SORCS2: variants seen among roughly 807,000 people sequenced by gnomAD.
SORCS2 encodes VPS10 domain-containing receptor SorCS2.
In SORCS2, 100 loss-of-function variants were observed where a neutral mutation model predicts 141.6. The observed-to-expected ratio is 0.71, with a 90% CI of 0.60 to 0.83. The LOEUF is 0.83. SORCS2 is among the 40% of genes least tolerant of loss of function. The pLI is 0.00. For missense variants in SORCS2, 1,646 were observed against 1,560.2 expected (o/e 1.05, Z -0.93); for synonymous variants, 789 against 676.9 (o/e 1.17, Z -2.57).
In SORCS2 at chr4:7,599,036, G is replaced by A. The variant is rs150179308; in HGVS notation, c.649-39292G>A. Reference sequence around the variant, plus strand: ...AGGAGGCAGCCGGGAGAAGTGGGCCGATGAGAGGTTGCTTGCCTGAGTGGA... The same window carrying A: ...AGGAGGCAGCCGGGAGAAGTGGGCCAATGAGAGGTTGCTTGCCTGAGTGGA... On this transcript the variant is annotated intron_variant, in intron 3 of 26. Coordinates refer to ENST00000507866, the MANE Select transcript of SORCS2 (RefSeq NM_020777.3). Among the ~76,000 whole-genome samples, 622 of 152,344 alleles carry A rather than the reference G, an allele frequency of 4.1e-3. 4 individuals carry two copies. The highest frequency in any genetic ancestry group is 0.014 in the African/African-American group (583 of 41,582).
At chr4:7,407,005 G>C (rs932079451) in intron 2 of SORCS2, among the ~76,000 whole-genome samples, 1 of 152,004 alleles carries the variant, frequency 6.6e-6, no homozygotes, top group Non-Finnish European at 1.5e-5. Context: ...TGTTCTTCTT[G>C]TAATTGATTT....
chr4:7,479,025 C>T (rs776923843), intron 2 of SORCS2, among the ~76,000 whole-genome samples: 40 of 152,282 alleles, frequency 2.6e-4, no homozygotes, highest in Non-Finnish European at 5.4e-4. Context: ...CAAAGCTTCT[C>T]TAGAAGGATT....
chr4:7,606,707 C>T (rs146182060), intron 3 of SORCS2, among the ~76,000 whole-genome samples: 4 of 152,008 alleles, frequency 2.6e-5, no homozygotes, highest in Non-Finnish European at 4.4e-5. Context: ...GAAGGCTAGA[C>T]GGTGTGGTCT....
chr4:7,512,094 G>T (rs1300585390), intron 2 of SORCS2, among the ~76,000 whole-genome samples: 3 of 152,140 alleles, frequency 2.0e-5, no homozygotes, highest in Non-Finnish European at 4.4e-5. Context: ...AATCAACCTA[G>T]TTAACAGGTC....
At chr4:7,335,740 A>G (rs116182296) in intron 1 of SORCS2, among the ~76,000 whole-genome samples, 231 of 152,332 alleles carry the variant, frequency 1.5e-3, no homozygotes, top group African/African-American at 5.2e-3. Context: ...TTGAAGCTCA[A>G]GGAGGTTGAA....
chr4:7,293,984 G>A lies in SORCS2; in HGVS notation c.480+100858G>A, dbSNP rs1230744296. Among the ~76,000 whole-genome samples the A allele has an allele frequency of 3.3e-5, 5 of 152,046 alleles. No individual in the cohort carries two copies. The East Asian group carries it at 7.7e-4, about 23-fold the overall frequency. On this transcript the variant is annotated intron_variant, in intron 1 of 26. Coordinates refer to ENST00000507866, the MANE Select transcript of SORCS2 (RefSeq NM_020777.3). Reference sequence around the variant, plus strand: ...ATTTTGATGTATCCAAATTATTGCCGTACCCTTTTCCTTTTATTTTTACCC... The same window carrying A: ...ATTTTGATGTATCCAAATTATTGCCATACCCTTTTCCTTTTATTTTTACCC...
Position 7,379,591 on chromosome 4 carries a change from C to T in SORCS2, c.481-16697C>T, listed in dbSNP as rs78995160. On this transcript the variant is annotated intron_variant, in intron 1 of 26. Coordinates refer to ENST00000507866, the MANE Select transcript of SORCS2 (RefSeq NM_020777.3). ...CTAAACACCCTTCACAATAGACACGCGGATACTATGGGTGTCCATTTTGCA... is the reference window on the plus strand; with the variant it reads ...CTAAACACCCTTCACAATAGACACGTGGATACTATGGGTGTCCATTTTGCA... Among the ~76,000 whole-genome samples, 9 of 152,300 alleles carry T rather than the reference C, an allele frequency of 5.9e-5. No homozygotes were observed. In the South Asian group the frequency reaches 1.2e-3, roughly 21 times the overall value.
At chr4:7,574,462 A>G (rs534122443) in intron 3 of SORCS2, among the ~76,000 whole-genome samples, 3 of 152,306 alleles carry the variant, frequency 2.0e-5, no homozygotes, top group Non-Finnish European at 4.4e-5. Flanking sequence ...CTTGCTTGGC[A>G]TGGGATTGCC....
intron 1 of SORCS2, among the ~76,000 whole-genome samples, chr4:7,391,296 C>T (rs1174955568): frequency 1.3e-5 from 2 of 152,200 alleles, no homozygotes; most frequent in Non-Finnish European, 2.9e-5. Flanking sequence ...TGAGCCAGCC[C>T]CCTTTCCCCA....
At chr4:7,208,008 G>A (rs73079857) in intron 1 of SORCS2, among the ~76,000 whole-genome samples, 3,988 of 152,078 alleles carry the variant, frequency 0.026, 192 homozygotes, top group African/African-American at 0.091. Flanking sequence ...GGGAGTTTTC[G>A]GGCGCCTTCT....
intron 3 of SORCS2, among the ~76,000 whole-genome samples, chr4:7,572,994 A>G (rs1267799255): frequency 6.6e-6 from 1 of 152,236 alleles, no homozygotes; most frequent in African/African-American, 2.4e-5. Flanking sequence ...TCCCTTTGGA[A>G]AGGAGAGCTT....
chr4:7,229,636 C>T (rs547702365), intron 1 of SORCS2, among the ~76,000 whole-genome samples: 41 of 152,350 alleles, frequency 2.7e-4, no homozygotes, highest in Admixed American at 5.9e-4. Flanking sequence ...GAGGTCACTC[C>T]GAGGCTGAAA....
chr4:7,658,379 G>T (rs937699274), intron 5 of SORCS2, among the ~76,000 whole-genome samples: 1 of 152,212 alleles, frequency 6.6e-6, no homozygotes, highest in African/African-American at 2.4e-5. Context: ...AGGTGTCATT[G>T]CCCCTCTTCA....
At chr4:7,668,460 G>A (rs1396105920) in intron 8 of SORCS2, among the ~76,000 whole-genome samples, 1 of 152,140 alleles carries the variant, frequency 6.6e-6, no homozygotes, top group Non-Finnish European at 1.5e-5. Context: ...AAGACCCTGA[G>A]GTAGAGAGTG....
chr4:7,684,889 C>A (rs1014882251), intron 10 of SORCS2, among the ~76,000 whole-genome samples: 3 of 152,104 alleles, frequency 2.0e-5, no homozygotes, highest in African/African-American at 7.2e-5. Context: ...TTCCTCCTCC[C>A]AGAGAGCCCT....
intron 6 of SORCS2, among the ~76,000 whole-genome samples, chr4:7,662,498 C>T (rs1722240169): frequency 6.6e-6 from 1 of 152,182 alleles, no homozygotes; most frequent in African/African-American, 2.4e-5. Flanking sequence ...TCCTTGAGTA[C>T]CAGTGGGGGC....
At chr4:7,713,281 T>G (rs28533306) in intron 15 of SORCS2, among the ~76,000 whole-genome samples, 5,299 of 152,112 alleles carry the variant, frequency 0.035, 300 homozygotes, top group African/African-American at 0.12. Flanking sequence ...ATGTGTAATA[T>G]GGACACTAAG....
chr4:7,597,333 A>G (rs969142721), intron 3 of SORCS2, among the ~76,000 whole-genome samples: 5 of 150,234 alleles, frequency 3.3e-5, no homozygotes, highest in African/African-American at 4.9e-5. Context: ...GGACTGTTGT[A>G]ATAGGGAAGG....
chr4:7,435,587 A>G (rs1373163033), intron 2 of SORCS2, among the ~76,000 whole-genome samples: 1 of 152,230 alleles, frequency 6.6e-6, no homozygotes, highest in African/African-American at 2.4e-5. Flanking sequence ...CGGTCTCTTC[A>G]TTCTAGAAAT....
Sources: allele counts gnomAD v4.1 joint callset (sites outside exome capture counted in the v4.1 genomes callset), GRCh38; gene constraint gnomAD v4.1.1; transcripts MANE v1.5; gene names NCBI Gene and HGNC (gene_info 2026-07-23, HGNC 2026-07-21).